SLC1A1: variants seen among roughly 807,000 people sequenced by gnomAD.
SLC1A1 encodes the protein solute carrier family 1 member 1.
Under a neutral mutation model 53.3 loss-of-function variants are expected in SLC1A1, and 43 were observed. That is an observed-to-expected ratio of 0.81 (90% CI 0.63 to 1.04). The LOEUF (loss-of-function observed/expected upper bound fraction) is 1.04, where lower values mean the gene tolerates loss of function less well. Ranked by LOEUF, SLC1A1 falls within the 50% of genes least tolerant of loss-of-function variation. SLC1A1 has a pLI of 0.00. For missense variants in SLC1A1, 748 were observed against 664.9 expected, an observed-to-expected ratio of 1.12 and a Z score of -1.37; for synonymous variants, 307 against 243.2, an observed-to-expected ratio of 1.26 and a Z score of -2.44.
intron 1 of SLC1A1, among the ~76,000 whole-genome samples, chr9:4,520,076 C>T (rs955489228): frequency 1.8e-4 from 27 of 152,194 alleles, no homozygotes; most frequent in African/African-American, 6.5e-4. Flanking sequence ...ATCTCCTTTA[C>T]AGGCTATGTT....
intron 7 of SLC1A1, 127 bp downstream of exon 7, chr9:4,572,515 A>G: frequency 1.1e-6 from 1 of 870,558 alleles, no homozygotes; most frequent in Non-Finnish European, 1.9e-6. Flanking sequence ...ATATTGAACC[A>G]CCAGAGTATT....
intron 10 of SLC1A1, 95 bp downstream of exon 10, chr9:4,576,858 T>A (rs1014873097): frequency 9.3e-7 from 1 of 1,080,156 alleles, no homozygotes; most frequent in East Asian, 2.4e-5. Context: ...GTCGCAGTGA[T>A]GAATTCTTTT....
chr9:4,577,277 G>T (rs939747892), intron 10 of SLC1A1, among the ~76,000 whole-genome samples: 4 of 152,192 alleles, frequency 2.6e-5, no homozygotes, highest in African/African-American at 7.2e-5. Flanking sequence ...ATTTGGAGTG[G>T]CAGAAATAGC....
intron 1 of SLC1A1, among the ~76,000 whole-genome samples, chr9:4,512,194 G>C (rs1290750714): frequency 6.6e-6 from 1 of 152,172 alleles, no homozygotes; most frequent in Non-Finnish European, 1.5e-5. Context: ...GATTTTTGTA[G>C]ATATACCAGA....
intron 1 of SLC1A1, among the ~76,000 whole-genome samples, chr9:4,528,852 C>G (rs1426971470): frequency 2.0e-5 from 3 of 152,118 alleles, no homozygotes; most frequent in Non-Finnish European, 4.4e-5. Flanking sequence ...TTCTTGTGCT[C>G]TATACACACA....
rs563764220 is a variant in SLC1A1, at chr9:4,507,335, G to C, written c.91+16565G>C. Among the ~76,000 whole-genome samples the C allele has an allele frequency of 5.6e-4, 85 of 152,038 alleles. 3 individuals carry two copies. Among genetic ancestry groups the C allele is most frequent in the Non-Finnish European group, 1.3e-4 (9 of 68,014 alleles). On this transcript the variant is annotated intron_variant, in intron 1 of 11. Transcript: ENST00000262352. ...ATGTTTGATTTTTTTGGTCTCTGGTGGTCATCCCAGATGCATTCACAGTCA... is the reference window on the plus strand; with the variant it reads ...ATGTTTGATTTTTTTGGTCTCTGGTCGTCATCCCAGATGCATTCACAGTCA...
At chr9:4,570,562 G>T (rs1219661227) in intron 6 of SLC1A1, among the ~76,000 whole-genome samples, 8 of 152,024 alleles carry the variant, frequency 5.3e-5, no homozygotes, top group Non-Finnish European at 1.2e-4. Flanking sequence ...GTAGAGACGG[G>T]GTTTCACCAT....
chr9:4,533,173 A>G (rs557068660), intron 1 of SLC1A1, among the ~76,000 whole-genome samples: 1 of 152,306 alleles, frequency 6.6e-6, no homozygotes, highest in Admixed American at 6.5e-5. Flanking sequence ...CAAAATAACC[A>G]GCTAAGATCA....
chr9:4,521,468 T>C (rs747247728), intron 1 of SLC1A1, among the ~76,000 whole-genome samples: 2 of 152,190 alleles, frequency 1.3e-5, no homozygotes, highest in African/African-American at 4.8e-5. Flanking sequence ...GAAAGTGCCA[T>C]GGTGGCTGAG....
At chr9:4,574,073 G>A (rs1586839274) in intron 8 of SLC1A1, 59 bp downstream of exon 8, 3 of 1,163,856 alleles carry the variant, frequency 2.6e-6, no homozygotes, top group Non-Finnish European at 2.6e-6. Flanking sequence ...GATGGCCGCT[G>A]AGAGGTTGGG....
intron 10 of SLC1A1, among the ~76,000 whole-genome samples, chr9:4,577,881 G>A (rs1208257983): frequency 6.6e-6 from 1 of 152,160 alleles, no homozygotes; most frequent in African/African-American, 2.4e-5. Flanking sequence ...GTCCAGGCAG[G>A]GTATTAGAAG....
intron 1 of SLC1A1, among the ~76,000 whole-genome samples, chr9:4,543,641 C>G (rs1465829377): frequency 1.3e-5 from 2 of 152,098 alleles, no homozygotes; most frequent in East Asian, 3.8e-4. Context: ...TACTCAAAAT[C>G]AGAAACTTTG....
intron 2 of SLC1A1, chr9:4,554,002 G>A (rs1818159640): frequency 6.6e-6 from 1 of 152,024 alleles, no homozygotes; most frequent in Non-Finnish European, 1.5e-5. Context: ...GTTTTCTCTG[G>A]GGAATAAAAG....
intron 1 of SLC1A1, among the ~76,000 whole-genome samples, chr9:4,519,097 G>C (rs554871536): frequency 1.3e-5 from 2 of 152,278 alleles, no homozygotes; most frequent in East Asian, 3.9e-4. Context: ...CTGTTTATTA[G>C]ACAACTACAA....
At chr9:4,572,480 T>G (rs3780412) in intron 7 of SLC1A1, 92 bp downstream of exon 7, 1 of 1,109,154 alleles carries the variant, frequency 9.0e-7, no homozygotes, top group Admixed American at 1.7e-5. Context: ...TGTCAACTGA[T>G]GAAGCTAGAG....
chr9:4,545,681 G>A (rs1817433530), intron 2 of SLC1A1, among the ~76,000 whole-genome samples: 1 of 152,228 alleles, frequency 6.6e-6, no homozygotes, highest in Admixed American at 6.5e-5. Context: ...AAATATGGAA[G>A]TGCACCATAT....
chr9:4,526,281 G>C (rs1816255972), intron 1 of SLC1A1, among the ~76,000 whole-genome samples: 2 of 152,152 alleles, frequency 1.3e-5, no homozygotes, highest in Admixed American at 1.3e-4. Context: ...AAACAAAATA[G>C]GGAATGTGAT....
At chr9:4,573,885 CT>C (rs1389845162) in intron 7 of SLC1A1, 21 bp from the exon 8 acceptor site, 2 of 1,505,162 alleles carry the variant, frequency 1.3e-6, no homozygotes, top group African/African-American at 2.7e-5. Context: ...GGAATCACGC[CT>C]CTGTTGTGCT....
At chr9:4,553,246 G>A (rs1818082364) in intron 2 of SLC1A1, 1 of 151,816 alleles carries the variant, frequency 6.6e-6, no homozygotes, top group South Asian at 2.1e-4. Flanking sequence ...GAGTCAAAAA[G>A]TTCATGGAGT....
Sources: allele counts gnomAD v4.1 joint callset (sites outside exome capture counted in the v4.1 genomes callset), GRCh38; gene constraint gnomAD v4.1.1; transcripts MANE v1.5; gene names NCBI Gene and HGNC (gene_info 2026-07-23, HGNC 2026-07-21).